PRKX: variants seen among roughly 807,000 people sequenced by gnomAD.
PRKX encodes the protein protein kinase cAMP-dependent X-linked catalytic subunit, also known as cAMP-dependent protein kinase catalytic subunit PRKX.
Under a neutral mutation model 22.0 loss-of-function variants are expected in PRKX, and 12 were observed. The ratio of observed to expected loss-of-function variants is 0.54; its 90% confidence interval spans 0.35 to 0.88. The LOEUF is 0.88. PRKX is among the 40% of genes least tolerant of loss of function. The pLI, the probability that PRKX is intolerant of heterozygous loss-of-function variation, is 0.01. For synonymous variants in PRKX, 134 were observed against 137.7 expected (o/e 0.97, Z 0.19); for missense variants, 217 against 308.0 (o/e 0.70, Z 2.21).
At chrX:3,632,582 GACATT>G (rs963770404) in intron 4 of PRKX, among the ~76,000 whole-genome samples, 8 of 111,872 alleles carry the variant, frequency 7.2e-5, no homozygotes, top group African/African-American at 2.6e-4. Flanking sequence ...TTGGACAGTA[GACATT>G]ACATAAGATC....
intron 3 of PRKX, among the ~76,000 whole-genome samples, chrX:3,645,806 C>T (rs1222823168): frequency 8.9e-6 from 1 of 111,937 alleles, no homozygotes; most frequent in East Asian, 2.8e-4. Context: ...TGGTGGCTCA[C>T]ACCTCTAGTC....
chrX:3,639,566 T>TG (rs1157848420), intron 4 of PRKX, among the ~76,000 whole-genome samples: 2 of 17,119 alleles, frequency 1.2e-4, no homozygotes, highest in African/African-American at 2.3e-4. Context: ...ATGAAGGGGT[T>TG]GGGGGGTAGG....
At chrX:3,676,156 C>A in intron 1 of PRKX, among the ~76,000 whole-genome samples, 1 of 111,840 alleles carries the variant, frequency 8.9e-6, no homozygotes. Context: ...ACAACGCATT[C>A]ACAGCTGCAG....
At chrX:3,628,058 A>C (rs770573176) in intron 4 of PRKX, among the ~76,000 whole-genome samples, 1 of 111,782 alleles carries the variant, frequency 8.9e-6, no homozygotes, top group East Asian at 2.8e-4. Context: ...GTAGAATACT[A>C]TTCAGCCATG....
intron 4 of PRKX, among the ~76,000 whole-genome samples, chrX:3,628,223 G>C (rs185770748): frequency 8.8e-4 from 98 of 111,042 alleles, no homozygotes; most frequent in African/African-American, 3.1e-3. Context: ...GGATAAAGAA[G>C]AACAGAGGAT....
At chrX:3,648,966 A>G (rs181392948) in intron 3 of PRKX, among the ~76,000 whole-genome samples, 1 of 111,392 alleles carries the variant, frequency 9.0e-6, no homozygotes, top group African/African-American at 3.3e-5. Context: ...GAGAAATAAA[A>G]AACACCAAAA....
intron 1 of PRKX, among the ~76,000 whole-genome samples, chrX:3,697,460 C>G (rs73625735): frequency 0.035 from 3,938 of 111,890 alleles, 176 homozygotes; most frequent in African/African-American, 0.12. Flanking sequence ...TCCTTTATCT[C>G]CTGGGTCACT....
intron 1 of PRKX, among the ~76,000 whole-genome samples, chrX:3,679,873 G>A (rs1928036957): frequency 8.9e-6 from 1 of 111,732 alleles, no homozygotes. Flanking sequence ...TCAAAGAGTT[G>A]TTTCTCCAGC....
At chrX:3,706,180 C>T (rs1363903272) in intron 1 of PRKX, among the ~76,000 whole-genome samples, 2 of 109,908 alleles carry the variant, frequency 1.8e-5, no homozygotes, top group Non-Finnish European at 3.8e-5. Context: ...GTACTCATCT[C>T]CCTTGATACT....
rs761643511 is a variant in PRKX at position 3,615,011 on chromosome X, ATTTT to A, written c.951+800_951+803del. ...TATTATACATTGAAAAAAATGCCAG[ATTTT>A]TTTTTTTTTTTTTTTTTTTTTGAGA... On this transcript the variant is annotated intron_variant, in intron 7 of 8. Coordinates refer to ENST00000262848, the MANE Select transcript of PRKX (RefSeq NM_005044.5). Among the ~76,000 whole-genome samples, 421 of 59,731 alleles carry A rather than the reference ATTTT, an allele frequency of 7.0e-3. 3 individuals carry two copies. Among genetic ancestry groups the A allele is most frequent in the African/African-American group, 0.03 (391 of 13,192 alleles). The allele number at this position is 59,731 out of a possible 115,157, so 51.9% of individuals were successfully genotyped here.
chrX:3,698,167 TG>T, intron 1 of PRKX, among the ~76,000 whole-genome samples: 1 of 111,701 alleles, frequency 9.0e-6, no homozygotes, highest in East Asian at 2.8e-4. Flanking sequence ...CCTTAAGCGT[TG>T]TCATGAAATC....
chrX:3,627,942 C>T (rs750474816), intron 4 of PRKX, among the ~76,000 whole-genome samples: 27 of 111,200 alleles, frequency 2.4e-4, no homozygotes, highest in African/African-American at 8.5e-4. Flanking sequence ...CATCGGCACG[C>T]CCATGTTTAC....
chrX:3,704,533 G>A (rs1431215818), intron 1 of PRKX, among the ~76,000 whole-genome samples: 1 of 111,342 alleles, frequency 9.0e-6, no homozygotes, highest in African/African-American at 3.3e-5. Context: ...CTGGCGTGGT[G>A]ATGCACACCT....
At position 3,635,037 on chromosome X, in the gene PRKX, C is replaced by T. The variant is rs899323582; in HGVS notation, c.719+6815G>A. ...TTTAATTCTAGAAAGTGTGGTTACACATTTTTTTCATTTAAAAATGCTATT... is the reference window on the plus strand; with the variant it reads ...TTTAATTCTAGAAAGTGTGGTTACATATTTTTTTCATTTAAAAATGCTATT... On this transcript the variant is annotated intron_variant, in intron 4 of 8. Coordinates refer to ENST00000262848, the MANE Select transcript of PRKX (RefSeq NM_005044.5). 5.4e-5 allele frequency among the ~76,000 whole-genome samples: 6 copies of T among 112,105 alleles called. No homozygotes were observed. The Admixed American group carries it at 5.7e-4, about 11-fold the overall frequency.
rs184532929 is a variant in PRKX, at chrX:3,654,681, T to C, written c.599+468A>G. Among the ~76,000 whole-genome samples, 352 of 108,523 alleles carry C rather than the reference T, an allele frequency of 3.2e-3. 1 individual carries two copies. The highest frequency in any genetic ancestry group is 5.0e-3 in the Non-Finnish European group (261 of 52,456). The allele number at this position is 108,523 out of a possible 115,157, so 94.2% of individuals were successfully genotyped here. ...TATTTCTGTAGAGACGGGGTCTCAC[T>C]AGGTTGTCCACAGTGGTCTCAAACT... On this transcript the variant is annotated intron_variant, in intron 3 of 8. Coordinates refer to ENST00000262848, the MANE Select transcript of PRKX (RefSeq NM_005044.5).
chrX:3,694,868 T>C (rs1928414284), intron 1 of PRKX, among the ~76,000 whole-genome samples: 3 of 111,017 alleles, frequency 2.7e-5, no homozygotes, highest in Admixed American at 9.6e-5. Flanking sequence ...CAGGGATGCC[T>C]GGAGCCCCCA....
chrX:3,696,909 A>C (rs897978974), intron 1 of PRKX, among the ~76,000 whole-genome samples: 3 of 112,187 alleles, frequency 2.7e-5, no homozygotes, highest in South Asian at 3.6e-4. Context: ...AATCCCACCT[A>C]CTTGAGAGGC....
chrX:3,679,224 C>A (rs1424119146), intron 1 of PRKX, among the ~76,000 whole-genome samples: 1 of 111,222 alleles, frequency 9.0e-6, no homozygotes, highest in East Asian at 2.9e-4. Context: ...CTCCCTTCCT[C>A]TTTTTGGAAT....
At position 3,605,584 on chromosome X, in the gene PRKX, A is replaced by G. The variant is rs1286556737; in HGVS notation, c.*3385T>C. On this transcript the variant is annotated 3_prime_UTR_variant, in exon 9 of 9. Coordinates refer to ENST00000262848, the MANE Select transcript of PRKX (RefSeq NM_005044.5). ...TGGCGAACACATCCCAAACCACTCAACTGTTTAGTTCCACTGGTGATTTTT... is the reference window on the plus strand; with the variant it reads ...TGGCGAACACATCCCAAACCACTCAGCTGTTTAGTTCCACTGGTGATTTTT... 9.0e-6 allele frequency: 1 copy of G among 110,872 alleles called. No homozygotes were observed. The highest frequency in any genetic ancestry group is 3.0e-4 in the East Asian group (1 of 3,281). 9.1% of individuals were successfully genotyped at this position (110,872 alleles called of 1,213,427 possible).
Sources: allele counts gnomAD v4.1 joint callset (sites outside exome capture counted in the v4.1 genomes callset), GRCh38; gene constraint gnomAD v4.1.1; transcripts MANE v1.5; gene names NCBI Gene and HGNC (gene_info 2026-07-23, HGNC 2026-07-21).